The following PRKG1 variants were observed in gnomAD, a reference collection of about 807,000 sequenced individuals.
The protein encoded by PRKG1 is cGMP-dependent protein kinase 1.
In PRKG1, 35 loss-of-function variants were observed where a neutral mutation model predicts 88.1. The observed-to-expected ratio is 0.40, with a 90% CI of 0.30 to 0.53. The LOEUF is 0.53. Among genes scored for constraint, PRKG1 ranks in the 20% least tolerant of loss-of-function variants. PRKG1 has a pLI of 0.59. For synonymous variants in PRKG1, 303 were observed against 292.5 expected (o/e 1.04, Z -0.37); for missense variants, 540 against 839.8 (o/e 0.64, Z 4.41).
intron 2 of PRKG1, among the ~76,000 whole-genome samples, chr10:51,373,048 T>C (rs1466814238): frequency 6.6e-6 from 1 of 152,186 alleles, no homozygotes; most frequent in Non-Finnish European, 1.5e-5. Context: ...CATCTTAAAA[T>C]ATGGCTCTAA....
intron 7 of PRKG1, among the ~76,000 whole-genome samples, chr10:52,091,738 A>T (rs1847061099): frequency 6.6e-6 from 1 of 152,240 alleles, no homozygotes; most frequent in Non-Finnish European, 1.5e-5. Context: ...ATATCAAAGC[A>T]GAAATGTTCT....
At position 52,293,908 on chromosome 10, in the gene PRKG1, C is replaced by T; in HGVS notation, c.*8C>T. 1.9e-6 allele frequency: 3 copies of T among 1,597,972 alleles called. No individual in the cohort carries two copies. The highest frequency in any genetic ancestry group is 2.6e-6 in the Non-Finnish European group (3 of 1,166,622). On this transcript the variant is annotated 3_prime_UTR_variant, in exon 18 of 18. Coordinates refer to ENST00000373980, the MANE Select transcript of PRKG1 (RefSeq NM_006258.4). ...TGGGATATAGACTTCTAATGTATTTCTCTTACCTGCTTCTGCCTTGCTGAA... is the reference window on the plus strand; with the variant it reads ...TGGGATATAGACTTCTAATGTATTTTTCTTACCTGCTTCTGCCTTGCTGAA...
chr10:52,129,006 C>A (rs557300454), intron 7 of PRKG1, among the ~76,000 whole-genome samples: 1 of 152,238 alleles, frequency 6.6e-6, no homozygotes, highest in South Asian at 2.1e-4. Context: ...TTATAAAGTT[C>A]TCTTGTGTTC....
intron 1 of PRKG1, among the ~76,000 whole-genome samples, chr10:51,082,361 A>T (rs908418710): frequency 1.6e-4 from 25 of 152,142 alleles, no homozygotes; most frequent in African/African-American, 5.1e-4. Context: ...GGACTCTGGG[A>T]CTAGTGGAAG....
chr10:51,044,229 G>A (rs181685602), intron 1 of PRKG1, among the ~76,000 whole-genome samples: 1 of 152,082 alleles, frequency 6.6e-6, no homozygotes, highest in Non-Finnish European at 1.5e-5. Flanking sequence ...GTGCCCCAGT[G>A]CTTCCCCTCA....
intron 3 of PRKG1, among the ~76,000 whole-genome samples, chr10:51,583,647 C>A (rs1215929258): frequency 1.3e-5 from 2 of 152,052 alleles, no homozygotes; most frequent in Admixed American, 1.3e-4. Flanking sequence ...TTACCTTAGT[C>A]TTCAGTGACT....
intron 3 of PRKG1, among the ~76,000 whole-genome samples, chr10:51,777,543 C>T (rs1838472269): frequency 6.6e-6 from 1 of 152,088 alleles, no homozygotes; most frequent in African/African-American, 2.4e-5. Context: ...CCCACACATG[C>T]ATAGCCTCCC....
intron 1 of PRKG1, among the ~76,000 whole-genome samples, chr10:51,059,698 C>T (rs954247959): frequency 6.6e-6 from 1 of 152,024 alleles, no homozygotes; most frequent in Non-Finnish European, 1.5e-5. Flanking sequence ...TGATTTTAGT[C>T]TTCTGACATT....
intron 7 of PRKG1, among the ~76,000 whole-genome samples, chr10:52,121,738 T>C (rs1847823346): frequency 6.6e-6 from 1 of 152,232 alleles, no homozygotes; most frequent in African/African-American, 2.4e-5. Flanking sequence ...TTGCCTTTAG[T>C]GACCATATTT....
intron 3 of PRKG1, among the ~76,000 whole-genome samples, chr10:51,541,923 A>G (rs960392718): frequency 3.9e-5 from 6 of 152,132 alleles, no homozygotes; most frequent in Non-Finnish European, 8.8e-5. Context: ...GCAGCATAAC[A>G]GGTTTGAATA....
At chr10:51,622,963 G>C (rs1839246267) in intron 3 of PRKG1, among the ~76,000 whole-genome samples, 1 of 152,210 alleles carries the variant, frequency 6.6e-6, no homozygotes. Context: ...AGAGTCACAT[G>C]ATTAGCTCTG....
chr10:52,106,373 C>T (rs1168861144), intron 7 of PRKG1, among the ~76,000 whole-genome samples: 1 of 152,010 alleles, frequency 6.6e-6, no homozygotes, highest in Non-Finnish European at 1.5e-5. Context: ...TAAGTGTGTC[C>T]GATGTGATAT....
chr10:52,052,136 C>T (rs574216473), intron 5 of PRKG1, among the ~76,000 whole-genome samples: 1 of 152,242 alleles, frequency 6.6e-6, no homozygotes, highest in South Asian at 2.1e-4. Flanking sequence ...ATTTCAAATG[C>T]TCAGTAGCCC....
At chr10:51,207,428 C>A (rs959306746) in intron 2 of PRKG1, among the ~76,000 whole-genome samples, 1 of 152,182 alleles carries the variant, frequency 6.6e-6, no homozygotes, top group African/African-American at 2.4e-5. Context: ...CCATCCTGCA[C>A]TGGCTCTGAC....
chr10:51,297,993 A>C (rs1013593059), intron 2 of PRKG1, among the ~76,000 whole-genome samples: 2 of 152,148 alleles, frequency 1.3e-5, no homozygotes, highest in Non-Finnish European at 2.9e-5. Flanking sequence ...AGATGTATGT[A>C]AAGGAAATTC....
At chr10:51,579,674 T>G (rs1445187317) in intron 3 of PRKG1, among the ~76,000 whole-genome samples, 1 of 152,158 alleles carries the variant, frequency 6.6e-6, no homozygotes, top group East Asian at 1.9e-4. Context: ...ATTAACTATA[T>G]GAGGAGACTG....
At chr10:51,985,571 G>GA (rs1260116524) in intron 5 of PRKG1, among the ~76,000 whole-genome samples, 2 of 151,894 alleles carry the variant, frequency 1.3e-5, no homozygotes, top group African/African-American at 4.8e-5. Flanking sequence ...GGAAAATAAA[G>GA]AAAAAAACAT....
intron 4 of PRKG1, among the ~76,000 whole-genome samples, chr10:51,820,272 T>C (rs1039257963): frequency 5.9e-5 from 9 of 152,332 alleles, no homozygotes; most frequent in East Asian, 1.9e-4. Context: ...TATCCTTCCA[T>C]GTTATTTAAT....
At chr10:51,329,883 C>G (rs964992801) in intron 2 of PRKG1, among the ~76,000 whole-genome samples, 2 of 146,268 alleles carry the variant, frequency 1.4e-5, no homozygotes, top group Non-Finnish European at 3.0e-5. Flanking sequence ...AGGCTCTTCT[C>G]TTTGGCTTTG....
Sources: allele counts gnomAD v4.1 joint callset (sites outside exome capture counted in the v4.1 genomes callset), GRCh38; gene constraint gnomAD v4.1.1; transcripts MANE v1.5; gene names NCBI Gene and HGNC (gene_info 2026-07-23, HGNC 2026-07-21).